Variants in LEKR1 observed in about 807,000 individuals in gnomAD.
LEKR1 encodes protein LEKR1.
LEKR1 carries 59 observed loss-of-function variants against 72.4 expected under a neutral mutation model. That is an observed-to-expected ratio of 0.82 (90% CI 0.66 to 1.01). LEKR1 has a LOEUF of 1.01. Ranked by LOEUF, LEKR1 falls within the 50% of genes least tolerant of loss-of-function variation. LEKR1 has a pLI of 0.00. For synonymous variants in LEKR1, 257 were observed against 263.2 expected, an observed-to-expected ratio of 0.98 and a Z score of 0.23; for missense variants, 728 against 759.2, an observed-to-expected ratio of 0.96 and a Z score of 0.48.
intron 4 of LEKR1, among the ~76,000 whole-genome samples, chr3:156,927,145 A>G (rs549454185): frequency 1.3e-5 from 2 of 152,084 alleles, no homozygotes; most frequent in African/African-American, 2.4e-5. Flanking sequence ...TTGAATAAAA[A>G]AAGATTAATA....
At chr3:156,937,007 T>G (rs1725774232) in intron 5 of LEKR1, among the ~76,000 whole-genome samples, 1 of 152,114 alleles carries the variant, frequency 6.6e-6, no homozygotes, top group Admixed American at 6.6e-5. Context: ...CAGAGTGTAG[T>G]AGCACATGCC....
chr3:157,011,587 G>C (rs1265027217), intron 10 of LEKR1, 81 bp downstream of exon 10: 2 of 948,802 alleles, frequency 2.1e-6, no homozygotes. Flanking sequence ...GACTCTTCCG[G>C]ATAGATTTAT....
chr3:156,939,932 A>G (rs756352041), intron 5 of LEKR1, among the ~76,000 whole-genome samples: 2 of 152,170 alleles, frequency 1.3e-5, no homozygotes, highest in Non-Finnish European at 2.9e-5. Flanking sequence ...GAAATTAGGG[A>G]TAGAATTGAT....
At chr3:156,989,343 TCA>T (rs1336984536) in intron 7 of LEKR1, among the ~76,000 whole-genome samples, 1 of 152,242 alleles carries the variant, frequency 6.6e-6, no homozygotes, top group Non-Finnish European at 1.5e-5. Flanking sequence ...CTAAGTCTAT[TCA>T]CACACAGTTA....
chr3:156,864,834 G>T lies in LEKR1; in HGVS notation c.263+11852G>T, dbSNP rs192522779. 2.2e-3 allele frequency among the ~76,000 whole-genome samples: 338 copies of T among 151,448 alleles called. 1 individual carries two copies. The highest frequency in any genetic ancestry group is 6.5e-3 in the African/African-American group (269 of 41,276). The stretch of plus-strand genomic sequence containing the variant: ...TTCATGATACCTATTGCTTTTTATT[G>T]TCCTTTTTTGGCCTCTCCACTTCCT... On this transcript the variant is annotated intron_variant, in intron 3 of 12. Transcript: ENST00000356539.
chr3:156,911,626 A>G (rs1311996141), intron 3 of LEKR1, among the ~76,000 whole-genome samples: 1 of 151,908 alleles, frequency 6.6e-6, no homozygotes, highest in Non-Finnish European at 1.5e-5. Context: ...TAGGATTTTT[A>G]TAGTTTGAGG....
chr3:156,954,869 A>G (rs1225214347), intron 6 of LEKR1, among the ~76,000 whole-genome samples: 2 of 151,890 alleles, frequency 1.3e-5, no homozygotes, highest in Non-Finnish European at 2.9e-5. Context: ...GAATTTTAAA[A>G]TAGTTTTTTC....
intron 6 of LEKR1, 60 bp from the exon 7 acceptor site, chr3:156,979,134 A>T: frequency 1.3e-6 from 1 of 745,832 alleles, no homozygotes; most frequent in Non-Finnish European, 2.0e-6. Context: ...GGTTTACTCT[A>T]TGAAAATATC....
intron 3 of LEKR1, among the ~76,000 whole-genome samples, chr3:156,901,127 A>G (rs1240550989): frequency 6.6e-6 from 1 of 152,148 alleles, no homozygotes; most frequent in Non-Finnish European, 1.5e-5. Context: ...CACTGTGCCT[A>G]GCTTGATTAT....
chr3:156,891,123 C>T (rs1478460724), intron 3 of LEKR1, among the ~76,000 whole-genome samples: 1 of 151,624 alleles, frequency 6.6e-6, no homozygotes, highest in African/African-American at 2.4e-5. Flanking sequence ...CTGCCTGCCT[C>T]GGCCTCCCAA....
rs530728578 is a variant in LEKR1, at chr3:156,901,109, G to A, written c.264-19466G>A. Among the ~76,000 whole-genome samples the A allele has an allele frequency of 3.3e-5, 5 of 151,326 alleles. No individual in the cohort carries two copies. In the East Asian group the frequency reaches 5.8e-4, roughly 17 times the overall value. On this transcript the variant is annotated intron_variant, in intron 3 of 12. Coordinates refer to ENST00000356539, the MANE Select transcript of LEKR1 (RefSeq NM_001004316.3). ...CCAACCCCAGTAGCTGGGATTATACGTATGATCCACTGTGCCTAGCTTGAT... is the reference window on the plus strand; with the variant it reads ...CCAACCCCAGTAGCTGGGATTATACATATGATCCACTGTGCCTAGCTTGAT...
chr3:156,944,365 A>G (rs1726497389), intron 6 of LEKR1, among the ~76,000 whole-genome samples: 2 of 151,810 alleles, frequency 1.3e-5, no homozygotes, highest in Admixed American at 1.3e-4. Flanking sequence ...GTCACGGTAA[A>G]TGAGGTGTCC....
chr3:156,985,001 C>A (rs1403978079), intron 7 of LEKR1, among the ~76,000 whole-genome samples: 2 of 151,772 alleles, frequency 1.3e-5, no homozygotes, highest in Admixed American at 6.6e-5. Flanking sequence ...ATGAAAATTT[C>A]TTCCTGGCAA....
chr3:157,025,890 TGTGACGGTTCATACCTGTA>T (rs1734149925), intron 11 of LEKR1, among the ~76,000 whole-genome samples: 1 of 151,622 alleles, frequency 6.6e-6, no homozygotes, highest in African/African-American at 2.4e-5. Flanking sequence ...ATTAGCCTAG[TGTGACGGTTCATACCTGTA>T]GTATGTTCAT....
intron 3 of LEKR1, among the ~76,000 whole-genome samples, chr3:156,919,067 C>G (rs531716003): frequency 9.2e-5 from 14 of 152,248 alleles, no homozygotes; most frequent in Non-Finnish European, 2.1e-4. Context: ...TGTTAAAATA[C>G]GAGAGAGAGG....
At chr3:157,023,868 T>C (rs1734011567) in intron 10 of LEKR1, among the ~76,000 whole-genome samples, 1 of 152,220 alleles carries the variant, frequency 6.6e-6, no homozygotes, top group Admixed American at 6.5e-5. Context: ...ACAGATGCTC[T>C]TCACCTTTCA....
intron 3 of LEKR1, among the ~76,000 whole-genome samples, chr3:156,895,809 C>CA (rs962953411): frequency 6.6e-6 from 1 of 152,104 alleles, no homozygotes; most frequent in Admixed American, 6.5e-5. Context: ...GCTGATTCCT[C>CA]AAAGTTCTAG....
rs947374181 is a variant in LEKR1 at position 156,931,464 on chromosome 3, A to G, written c.559+3860A>G. Among the ~76,000 whole-genome samples the G allele has an allele frequency of 3.9e-5, 6 of 152,198 alleles. No individual in the cohort carries two copies. The East Asian group carries it at 5.8e-4, about 15-fold the overall frequency. On this transcript the variant is annotated intron_variant, in intron 5 of 12. Transcript: ENST00000356539. ...TTCTCATTAAACTAAATATACATCT[A>G]TCCGAAGTCCCTGAAATTCCACCCT...
chr3:156,872,541 G>T (rs533783236), intron 3 of LEKR1, among the ~76,000 whole-genome samples: 12 of 151,876 alleles, frequency 7.9e-5, no homozygotes, highest in Non-Finnish European at 1.8e-4. Flanking sequence ...CTAGATTATC[G>T]ATTTGAAATC....
Sources: gnomAD v4.1 joint callset for allele counts (sites outside exome capture counted in the v4.1 genomes callset) on GRCh38, gnomAD v4.1.1 for gene constraint, MANE v1.5 for transcripts, NCBI Gene and HGNC (gene_info 2026-07-23, HGNC 2026-07-21) for gene names.